NIPBL: variants seen among roughly 807,000 people sequenced by gnomAD.
NIPBL encodes nipped-B-like protein.
A neutral mutation model predicts 321.8 loss-of-function variants in NIPBL; 19 were observed. The observed-to-expected ratio is 0.06, with a 90% confidence interval of 0.04 to 0.09. The LOEUF (loss-of-function observed/expected upper bound fraction) is 0.09, where lower values mean the gene tolerates loss of function less well. Among genes scored for constraint, NIPBL ranks in the 10% least tolerant of loss-of-function variants. NIPBL has a pLI of 1.00. For missense variants in NIPBL, 2,210 were observed against 3,327.0 expected, an observed-to-expected ratio of 0.66 and a Z score of 8.26; for synonymous variants, 1,106 against 1,114.1, an observed-to-expected ratio of 0.99 and a Z score of 0.14.
intron 40 of NIPBL, chr5:37,051,406 C>A: frequency 4.7e-6 from 1 of 210,580 alleles, no homozygotes. Context: ...TTACTGTTTG[C>A]CCTATATTAT....
intron 1 of NIPBL, among the ~76,000 whole-genome samples, chr5:36,893,008 C>A (rs1050077253): frequency 3.3e-5 from 5 of 152,072 alleles, no homozygotes; most frequent in African/African-American, 9.7e-5. Context: ...AATACTATTT[C>A]TTTTTAATGC....
At chr5:36,956,557 G>A (rs1281506439) in intron 3 of NIPBL, among the ~76,000 whole-genome samples, 11 of 141,666 alleles carry the variant, frequency 7.8e-5, no homozygotes, top group African/African-American at 2.9e-4. Context: ...AAATCAGAAA[G>A]AAGTATAATA....
Position 37,000,467 on chromosome 5 carries a change from C to T in NIPBL, c.3399C>T (p.His1133=). The stretch of plus-strand genomic sequence containing the variant: ...CTGGGGATCATAGGAGAAGTGGCCA[C>T]TCTCATGAAGGAAGAAGGAGTTCAG... The part of the protein sequence containing the change: ...RSSGDHRRSG[H]SHEGRRSSGG... The change falls in exon 12 of 47, where the codon CAC becomes CAT. Residue 1133 remains histidine (H), a synonymous_variant. Transcript: ENST00000282516. The T allele has an allele frequency of 3.1e-6, 5 of 1,613,416 alleles. No individual in the cohort carries two copies. Among genetic ancestry groups the T allele is most frequent in the Non-Finnish European group, 2.5e-6 (3 of 1,179,562 alleles).
chr5:37,037,198 T>C (rs1386164600), intron 33 of NIPBL, among the ~76,000 whole-genome samples: 2 of 151,216 alleles, frequency 1.3e-5, no homozygotes, highest in Non-Finnish European at 2.9e-5. Context: ...CCATCCTGGC[T>C]AACACAATGA....
intron 1 of NIPBL, among the ~76,000 whole-genome samples, chr5:36,938,671 T>C (rs1194750773): frequency 2.6e-5 from 4 of 152,188 alleles, no homozygotes; most frequent in African/African-American, 9.7e-5. Context: ...CACAGACTAT[T>C]ACTGTTTTTT....
chr5:36,903,257 A>C (rs1747373439), intron 1 of NIPBL, among the ~76,000 whole-genome samples: 1 of 152,066 alleles, frequency 6.6e-6, no homozygotes, highest in Non-Finnish European at 1.5e-5. Context: ...GATGCCTTTT[A>C]TTTCTTTCTC....
At chr5:37,039,892 G>A (rs550997614) in intron 34 of NIPBL, among the ~76,000 whole-genome samples, 1 of 152,220 alleles carries the variant, frequency 6.6e-6, no homozygotes, top group African/African-American at 2.4e-5. Flanking sequence ...ATTAGATCCA[G>A]AAATAAATTG....
intron 32 of NIPBL, among the ~76,000 whole-genome samples, chr5:37,033,730 ATT>A (rs58081432): frequency 0.029 from 626 of 21,442 alleles, 7 homozygotes; most frequent in African/African-American, 0.064. Flanking sequence ...ATATATATAT[ATT>A]TTTTTTTTTT....
rs758349706 is a variant in NIPBL at position 37,000,899 on chromosome 5, AGTTTATT to A, written c.3574+12_3574+18del. On this transcript the variant is annotated intron_variant, in intron 13 of 46. Coordinates refer to ENST00000282516, the MANE Select transcript of NIPBL (RefSeq NM_133433.4). ...AACTAACACCTGAAGGTAACACGTTAGTTTATTTAATTTGTCTTTATTCATATTCTTC... is the reference window on the plus strand; with the variant it reads ...AACTAACACCTGAAGGTAACACGTTATAATTTGTCTTTATTCATATTCTTC... The A allele has an allele frequency of 2.5e-6, 4 of 1,605,046 alleles. No homozygotes were observed. The highest frequency in any genetic ancestry group is 1.3e-5 in the African/African-American group (1 of 74,838).
chr5:37,018,941 A>G (rs978299734), intron 24 of NIPBL, among the ~76,000 whole-genome samples: 2 of 152,004 alleles, frequency 1.3e-5, no homozygotes, highest in African/African-American at 2.4e-5. Flanking sequence ...TGTCTCTACT[A>G]AAAATACAAA....
intron 8 of NIPBL, among the ~76,000 whole-genome samples, chr5:36,972,444 T>C (rs910372935): frequency 6.6e-6 from 1 of 152,170 alleles, no homozygotes; most frequent in Non-Finnish European, 1.5e-5. Context: ...TTTTCTTCAT[T>C]AGCTCCTCTC....
intron 9 of NIPBL, among the ~76,000 whole-genome samples, chr5:36,977,154 G>C (rs1444129688): frequency 6.6e-6 from 1 of 151,938 alleles, no homozygotes; most frequent in East Asian, 1.9e-4. Flanking sequence ...TGATGAATCA[G>C]TGATTCAAAT....
intron 21 of NIPBL, among the ~76,000 whole-genome samples, chr5:37,010,700 T>A (rs976065511): frequency 4.6e-5 from 7 of 152,210 alleles, no homozygotes; most frequent in Non-Finnish European, 7.3e-5. Context: ...TCTGGTTCTG[T>A]TGTATCTATC....
chr5:37,017,790 G>A (rs929227542), intron 24 of NIPBL, among the ~76,000 whole-genome samples: 2 of 151,300 alleles, frequency 1.3e-5, no homozygotes, highest in East Asian at 1.9e-4. Flanking sequence ...GCTATAGTTC[G>A]TGTTTTGAAA....
intron 3 of NIPBL, 72 bp from the exon 4 acceptor site, chr5:36,958,032 A>T (rs1741175021): frequency 8.1e-6 from 12 of 1,477,618 alleles, no homozygotes; most frequent in Middle Eastern, 3.6e-4. Flanking sequence ...AGTGTGATTT[A>T]CTTTTATATG....
intron 1 of NIPBL, among the ~76,000 whole-genome samples, chr5:36,946,707 T>C (rs1739725504): frequency 1.3e-5 from 2 of 152,076 alleles, no homozygotes; most frequent in African/African-American, 2.4e-5. Context: ...GAAATTTCAG[T>C]TTATTCAAAA....
chr5:36,892,352 A>G (rs1170713103), intron 1 of NIPBL, among the ~76,000 whole-genome samples: 3 of 152,194 alleles, frequency 2.0e-5, no homozygotes, highest in African/African-American at 7.2e-5. Flanking sequence ...ACTGTAAACT[A>G]GTTCAACCAT....
intron 44 of NIPBL, 138 bp from the exon 45 acceptor site, chr5:37,060,706 T>A (rs756431379): frequency 7.9e-5 from 59 of 749,932 alleles, no homozygotes; most frequent in Non-Finnish European, 1.2e-4. Flanking sequence ...ATTGAAGCTG[T>A]CCTAGGATCA....
intron 1 of NIPBL, among the ~76,000 whole-genome samples, chr5:36,949,524 TAGTA>T (rs1331816123): frequency 6.6e-6 from 1 of 151,872 alleles, no homozygotes; most frequent in Non-Finnish European, 1.5e-5. Flanking sequence ...ATTTATTACA[TAGTA>T]AGTGCTGAGC....
Sources: allele counts gnomAD v4.1 joint callset (sites outside exome capture counted in the v4.1 genomes callset), GRCh38; gene constraint gnomAD v4.1.1; transcripts MANE v1.5; gene names NCBI Gene and HGNC (gene_info 2026-07-23, HGNC 2026-07-21).